The following KIAA0586 variants were observed in gnomAD, a reference collection of about 807,000 sequenced individuals.
The protein encoded by KIAA0586 is protein TALPID3.
A neutral mutation model predicts 169.8 loss-of-function variants in KIAA0586; 144 were observed. That is an observed-to-expected ratio of 0.85 (90% CI 0.74 to 0.97). The LOEUF (loss-of-function observed/expected upper bound fraction) is 0.97. Ranked by LOEUF, KIAA0586 falls within the 50% of genes least tolerant of loss-of-function variation. The pLI, the probability that KIAA0586 is intolerant of heterozygous loss-of-function variation, is 0.00. For synonymous variants in KIAA0586, 625 were observed against 612.4 expected (o/e 1.02, Z -0.30); for missense variants, 1,854 against 1,823.0 (o/e 1.02, Z -0.31).
At chr14:58,554,440 C>G (rs7156442), downstream of KIAA0586, among the ~76,000 whole-genome samples, 2,429 of 152,252 alleles carry the variant, frequency 0.016, 72 homozygotes, top group African/African-American at 0.055. Context: ...TGTACCTACT[C>G]TGCACAAAAC....
In KIAA0586 at chr14:58,472,217, G is replaced by A. The variant is rs1353486146; in HGVS notation, c.2572G>A (p.Val858Ile). 2 of 1,581,204 alleles carry A rather than the reference G, an allele frequency of 1.3e-6. No individual in the cohort carries two copies. The highest frequency in any genetic ancestry group is 1.8e-5 in the Admixed American group (1 of 55,494). ...TWIKTPEIMK[V>I]DEEEVKFPGT... Reference sequence around the variant, plus strand: ...TTCTTAGACTCCAGAAATTATGAAGGTAGATGAAGAAGAGGTGAAGTTTCC... The same window carrying A: ...TTCTTAGACTCCAGAAATTATGAAGATAGATGAAGAAGAGGTGAAGTTTCC... The change falls in exon 18 of 31, where the codon GTA becomes ATA. Residue 858 changes from valine (V) to isoleucine (I), a missense_variant. Transcript: ENST00000652326.
In KIAA0586 at chr14:58,459,910, G is replaced by T; in HGVS notation, c.1724G>T (p.Gly575Val). The part of the protein sequence containing the change: ...FDQKNQRTKK[G>V]QNMTKDIRTN... Reference sequence around the variant, plus strand: ...CAGAAGAATCAGAGAACCAAGAAAGGTCAGAATATGACTAAAGATATTAGA... The same window carrying T: ...CAGAAGAATCAGAGAACCAAGAAAGTTCAGAATATGACTAAAGATATTAGA... Residue 575 changes from glycine (G) to valine (V), a missense_variant, in exon 13 of 31, where the codon GGT becomes GTT. Gly to Val is a moderately radical substitution (Grantham distance 109). Transcript: ENST00000652326. 1 of 1,533,712 alleles carries T rather than the reference G, an allele frequency of 6.5e-7. No individual in the cohort carries two copies. Among genetic ancestry groups the T allele is most frequent in the Non-Finnish European group, 8.7e-7 (1 of 1,145,528 alleles).
At chr14:58,552,112 CT>C (rs931069608), downstream of KIAA0586, among the ~76,000 whole-genome samples, 30 of 152,258 alleles carry the variant, frequency 2.0e-4, no homozygotes, top group African/African-American at 5.3e-4. Flanking sequence ...CTGTCTCCCC[CT>C]AATATGGAAT....
intron 29 of KIAA0586, among the ~76,000 whole-genome samples, chr14:58,527,628 A>G (rs1386576491): frequency 6.6e-6 from 1 of 152,224 alleles, no homozygotes; most frequent in Non-Finnish European, 1.5e-5. Context: ...TGAAGGAGAA[A>G]TAAAATCCTT....
At chr14:58,513,471 A>G (rs2044536946) in intron 29 of KIAA0586, among the ~76,000 whole-genome samples, 1 of 152,042 alleles carries the variant, frequency 6.6e-6, no homozygotes, top group African/African-American at 2.4e-5. Context: ...TAAATGAGGA[A>G]GTGCTCAAGA....
chr14:58,446,981 T>C (rs2038954015), intron 6 of KIAA0586, among the ~76,000 whole-genome samples: 1 of 152,216 alleles, frequency 6.6e-6, no homozygotes, highest in Non-Finnish European at 1.5e-5. Flanking sequence ...TGGCTCCTAC[T>C]TAGTCCTAAG....
At chr14:58,554,055 GT>G (rs368643630), downstream of KIAA0586, among the ~76,000 whole-genome samples, 166 of 152,218 alleles carry the variant, frequency 1.1e-3, 1 homozygote, top group African/African-American at 3.6e-3. Context: ...ACTGGGTCAT[GT>G]GTCTCTCATT....
In KIAA0586 at chr14:58,540,181, A is replaced by AT. The variant is rs757907471; in HGVS notation, c.4495+51dup. On this transcript the variant is annotated intron_variant, in intron 30 of 30. Coordinates refer to ENST00000652326, the MANE Select transcript of KIAA0586 (RefSeq NM_001329943.3). ...AGTTCTTGAACTTGGAGCTGTTCAG[A>AT]TTTTTTCATTTCCTGATGATTCTTT... 41 of 1,055,890 alleles carry AT rather than the reference A, an allele frequency of 3.9e-5. 1 individual carries two copies. In the Middle Eastern group the frequency reaches 1.0e-3, roughly 27 times the overall value. The allele number at this position is 1,055,890 out of a possible 1,614,324, so 65.4% of individuals were successfully genotyped here. A position where few individuals can be genotyped will look rare whatever the true frequency, so the allele number is the denominator to read the frequency against.
intron 4 of KIAA0586, among the ~76,000 whole-genome samples, chr14:58,438,875 G>A (rs1442162147): frequency 3.3e-5 from 5 of 152,172 alleles, no homozygotes; most frequent in Non-Finnish European, 7.4e-5. Context: ...GGAGTGCCTC[G>A]TGTATGGAAA....
chr14:58,527,055 C>T (rs1156779710), intron 29 of KIAA0586, among the ~76,000 whole-genome samples: 1 of 151,916 alleles, frequency 6.6e-6, no homozygotes, highest in Admixed American at 6.6e-5. Context: ...CTTTGTGAAG[C>T]ATACTCAAGT....
chr14:58,480,271 T>C (rs1408281822), intron 20 of KIAA0586, among the ~76,000 whole-genome samples: 19 of 152,034 alleles, frequency 1.2e-4, no homozygotes, highest in Admixed American at 1.2e-3. Context: ...ATAGGCACTA[T>C]TGACCATCTC....
intron 3 of KIAA0586, among the ~76,000 whole-genome samples, chr14:58,432,046 T>C (rs902933531): frequency 6.6e-6 from 1 of 152,220 alleles, no homozygotes; most frequent in African/African-American, 2.4e-5. Context: ...CTTTTACTTT[T>C]TGGATGCCTT....
intron 29 of KIAA0586, among the ~76,000 whole-genome samples, chr14:58,525,492 T>C (rs902108273): frequency 6.6e-6 from 1 of 152,066 alleles, no homozygotes; most frequent in African/African-American, 2.4e-5. Flanking sequence ...AGTGAATCCA[T>C]GAGGGACTGT....
intron 27 of KIAA0586, among the ~76,000 whole-genome samples, chr14:58,506,739 C>T (rs2043973791): frequency 1.3e-5 from 2 of 151,658 alleles, no homozygotes; most frequent in South Asian, 2.1e-4. Flanking sequence ...TGTAAAAGCC[C>T]ATTGAAAACC....
chr14:58,449,596 A>G (rs183515630), intron 7 of KIAA0586, among the ~76,000 whole-genome samples: 87 of 152,328 alleles, frequency 5.7e-4, no homozygotes, highest in African/African-American at 2.0e-3. Context: ...TTTTTAAGTT[A>G]TGAAGAGAGG....
chr14:58,443,624 C>T (rs1252016185), intron 5 of KIAA0586, among the ~76,000 whole-genome samples: 1 of 152,050 alleles, frequency 6.6e-6, no homozygotes, highest in South Asian at 2.1e-4. Context: ...GGGGTTTCAC[C>T]GTGTTGGTCA....
At chr14:58,537,399 A>G (rs779590785) in intron 29 of KIAA0586, among the ~76,000 whole-genome samples, 19 of 152,134 alleles carry the variant, frequency 1.2e-4, no homozygotes, top group Non-Finnish European at 2.2e-4. Context: ...GATCAACTCA[A>G]TTAGGGAGTT....
intron 26 of KIAA0586, among the ~76,000 whole-genome samples, chr14:58,497,391 A>C (rs1595379667): frequency 6.8e-6 from 1 of 146,162 alleles, no homozygotes. Context: ...ACAGAGTATC[A>C]CTCTGTCGCC....
chr14:58,428,968 G>A (rs2037121770), intron 1 of KIAA0586, among the ~76,000 whole-genome samples: 1 of 152,158 alleles, frequency 6.6e-6, no homozygotes, highest in Admixed American at 6.5e-5. Flanking sequence ...TAATGAATAT[G>A]TGAGCAAAAA....
Sources: gnomAD v4.1 joint callset for allele counts (sites outside exome capture counted in the v4.1 genomes callset) on GRCh38, gnomAD v4.1.1 for gene constraint, MANE v1.5 for transcripts, NCBI Gene and HGNC (gene_info 2026-07-23, HGNC 2026-07-21) for gene names.